NHSL1: variants seen among roughly 807,000 people sequenced by gnomAD.
NHSL1 encodes NHS like 1, also known as NHS-like protein 1.
A neutral mutation model predicts 95.0 loss-of-function variants in NHSL1; 48 were observed. That is an observed-to-expected ratio of 0.51 (90% confidence interval 0.40 to 0.64). The LOEUF (loss-of-function observed/expected upper bound fraction) is 0.64. Ranked by LOEUF, NHSL1 falls within the 30% of genes least tolerant of loss-of-function variation. The probability of loss-of-function intolerance (pLI) is 0.00; values close to 1 mark genes in which losing one functional copy is unlikely to be tolerated. For synonymous variants in NHSL1, 783 were observed against 833.9 expected, an observed-to-expected ratio of 0.94 and a Z score of 1.05; for missense variants, 1,971 against 2,077.7, an observed-to-expected ratio of 0.95 and a Z score of 1.00.
At chr6:138,614,423 G>C (rs1490024943) in intron 1 of NHSL1, among the ~76,000 whole-genome samples, 1 of 152,170 alleles carries the variant, frequency 6.6e-6, no homozygotes, top group Non-Finnish European at 1.5e-5. Flanking sequence ...CATTACATGA[G>C]AAAAATAAAC....
intron 1 of NHSL1, among the ~76,000 whole-genome samples, chr6:138,677,663 A>C (rs1008089274): frequency 5.9e-5 from 9 of 152,324 alleles, no homozygotes; most frequent in Non-Finnish European, 1.2e-4. Flanking sequence ...CCCCAAGCAG[A>C]GCCCACATGC....
At chr6:138,670,482 C>T (rs1174095674) in intron 1 of NHSL1, among the ~76,000 whole-genome samples, 1 of 150,282 alleles carries the variant, frequency 6.7e-6, no homozygotes, top group Non-Finnish European at 1.5e-5. Context: ...CCGGCTAAAA[C>T]GGTGAAACCC....
intron 1 of NHSL1, among the ~76,000 whole-genome samples, chr6:138,667,224 A>G (rs1462729087): frequency 1.3e-5 from 2 of 152,368 alleles, no homozygotes; most frequent in South Asian, 2.1e-4. Context: ...AACCCCAGCT[A>G]CAGCTCTAAA....
intron 1 of NHSL1, among the ~76,000 whole-genome samples, chr6:138,630,777 T>C (rs577174601): frequency 3.3e-4 from 51 of 152,312 alleles, no homozygotes; most frequent in Non-Finnish European, 6.2e-4. Flanking sequence ...CTAAATATGC[T>C]TGAGCTAAGA....
At chr6:138,585,965 C>G (rs748629046) in intron 1 of NHSL1, among the ~76,000 whole-genome samples, 7 of 151,996 alleles carry the variant, frequency 4.6e-5, no homozygotes, top group Admixed American at 2.6e-4. Flanking sequence ...ACAGGAGGAT[C>G]ACTTGAGCCC....
chr6:138,565,493 A>T (rs1783580152), intron 1 of NHSL1, among the ~76,000 whole-genome samples: 1 of 152,178 alleles, frequency 6.6e-6, no homozygotes, highest in African/African-American at 2.4e-5. Context: ...AAAGCAAGAG[A>T]GGACAGAAGA....
At chr6:138,507,253 A>G (rs1227904084) in intron 1 of NHSL1, among the ~76,000 whole-genome samples, 1 of 152,062 alleles carries the variant, frequency 6.6e-6, no homozygotes, top group Non-Finnish European at 1.5e-5. Context: ...ATGGTAAATC[A>G]AAGTTTTTTT....
intron 1 of NHSL1, among the ~76,000 whole-genome samples, chr6:138,592,022 G>C (rs866589500): frequency 1.3e-5 from 2 of 152,100 alleles, no homozygotes; most frequent in Non-Finnish European, 2.9e-5. Context: ...GTTCCCATTT[G>C]AAAATGTTTT....
At chr6:138,481,844 G>C (rs1335228727) in intron 2 of NHSL1, among the ~76,000 whole-genome samples, 2 of 152,102 alleles carry the variant, frequency 1.3e-5, no homozygotes, top group Non-Finnish European at 2.9e-5. Context: ...GCAAATTTGA[G>C]CCCATAAGAC....
At chr6:138,688,780 T>C (rs1227810382) in intron 1 of NHSL1, among the ~76,000 whole-genome samples, 4 of 152,244 alleles carry the variant, frequency 2.6e-5, no homozygotes, top group Non-Finnish European at 4.4e-5. Context: ...TTGTCACTAT[T>C]TTCCATGAGA....
chr6:138,568,887 T>C (rs1419837353), intron 1 of NHSL1, among the ~76,000 whole-genome samples: 3 of 152,236 alleles, frequency 2.0e-5, no homozygotes, highest in Non-Finnish European at 4.4e-5. Context: ...AAGATACCCA[T>C]AAGGGTAACC....
chr6:138,485,116 A>G (rs1006744529), intron 2 of NHSL1, among the ~76,000 whole-genome samples: 1 of 152,208 alleles, frequency 6.6e-6, no homozygotes, highest in African/African-American at 2.4e-5. Flanking sequence ...TTGGCAGCAG[A>G]GGAGCATCAC....
At chr6:138,548,535 G>A (rs570623631), upstream of NHSL1, among the ~76,000 whole-genome samples, 14 of 152,262 alleles carry the variant, frequency 9.2e-5, no homozygotes, top group East Asian at 2.7e-3. Context: ...TATTTTATGT[G>A]TGGCCCAAGA....
At chr6:138,509,951 A>C (rs905146965) in intron 1 of NHSL1, among the ~76,000 whole-genome samples, 1 of 152,378 alleles carries the variant, frequency 6.6e-6, no homozygotes, top group African/African-American at 2.4e-5. Flanking sequence ...AAAGCCTTAC[A>C]CAAAGGAGTC....
rs2128195658 is a variant in NHSL1 at position 138,430,602 on chromosome 6, G to A, written c.3743C>T (p.Ala1248Val). 6.5e-7 allele frequency: 1 copy of A among 1,550,294 alleles called. No individual in the cohort carries two copies. The highest frequency in any genetic ancestry group is 1.4e-5 in the African/African-American group (1 of 73,138). ...CGTGGCATGAGAGCCAGCTTGGGCTGCAGAACTCTCTTTTGCCTCCCTGCT... is the reference window on the plus strand; with the variant it reads ...CGTGGCATGAGAGCCAGCTTGGGCTACAGAACTCTCTTTTGCCTCCCTGCT... ...VHSREAKESS[A>V]AQAGSHATHP... is the part of the protein sequence containing the mutation. The change falls in exon 6 of 8, where the codon GCA (alanine) becomes GTA (valine). Residue 1248 changes from alanine to valine, a missense_variant. By Grantham distance (64) the Ala-to-Val change is moderately conservative. Transcript: ENST00000343505. This position sits in a 1 kb window ranked among gnomAD's most constrained non-coding sequence, Gnocchi z 4.7.
intron 3 of NHSL1, among the ~76,000 whole-genome samples, chr6:138,449,998 C>A (rs903766786): frequency 1.5e-4 from 23 of 152,118 alleles, no homozygotes; most frequent in Non-Finnish European, 4.4e-5. Context: ...TACTAAATTG[C>A]ACTATATCCA....
At chr6:138,572,132 C>G (rs1783862944) in exon 1 of NHSL1, 2 of 503,236 alleles carry the variant, frequency 4.0e-6, no homozygotes. Flanking sequence ...TTTACCCTAG[C>G]CACATTGTGG....
At chr6:138,476,957 TAAAAAAAAA>T (rs58311101) in intron 2 of NHSL1, among the ~76,000 whole-genome samples, 255 of 100,556 alleles carry the variant, frequency 2.5e-3, no homozygotes, top group South Asian at 4.9e-3. Flanking sequence ...TCCCTGAATC[TAAAAAAAAA>T]AAAAAAAAAA....
intron 1 of NHSL1, among the ~76,000 whole-genome samples, chr6:138,676,236 G>T (rs945430368): frequency 2.0e-5 from 3 of 151,892 alleles, no homozygotes; most frequent in Non-Finnish European, 4.4e-5. Context: ...ATCAAAAAAA[G>T]ATCCAAAAAC....
Sources: allele counts gnomAD v4.1 joint callset (sites outside exome capture counted in the v4.1 genomes callset), GRCh38; gene constraint gnomAD v4.1.1; non-coding constraint Gnocchi (gnomAD v3.1); transcripts MANE v1.5; gene names NCBI Gene and HGNC (gene_info 2026-07-23, HGNC 2026-07-21).